NRXN3: variants seen among roughly 807,000 people sequenced by gnomAD.
The protein encoded by NRXN3 is neurexin 3, also known as neurexin III.
Under a neutral mutation model 137.6 loss-of-function variants are expected in NRXN3, and 32 were observed. The observed-to-expected ratio is 0.23, with a 90% CI of 0.18 to 0.31. The LOEUF is 0.31. Ranked by LOEUF, NRXN3 falls within the 10% of genes least tolerant of loss-of-function variation. The pLI, the probability that NRXN3 is intolerant of heterozygous loss-of-function variation, is 1.00. For missense variants in NRXN3, 1,574 were observed against 2,062.5 expected, an observed-to-expected ratio of 0.76 and a Z score of 4.59; for synonymous variants, 798 against 784.5, an observed-to-expected ratio of 1.02 and a Z score of -0.29.
intron 15 of NRXN3, among the ~76,000 whole-genome samples, chr14:79,291,801 T>A (rs955500917): frequency 6.6e-6 from 1 of 151,530 alleles, no homozygotes; most frequent in Non-Finnish European, 1.5e-5. Context: ...TGGGAAAAAA[T>A]TTCAAAGTGG....
At chr14:79,043,640 G>A (rs1459485319) in intron 15 of NRXN3, among the ~76,000 whole-genome samples, 1 of 152,152 alleles carries the variant, frequency 6.6e-6, no homozygotes, top group Non-Finnish European at 1.5e-5. Context: ...GACAGCTCCT[G>A]CTGTACAGGT....
intron 15 of NRXN3, among the ~76,000 whole-genome samples, chr14:79,347,701 G>A (rs562718794): frequency 5.3e-5 from 8 of 152,262 alleles, no homozygotes; most frequent in Non-Finnish European, 1.0e-4. Context: ...GATTACAGGC[G>A]TGAGCCACCG....
At chr14:78,669,104 A>G (rs1033489075) in intron 6 of NRXN3, among the ~76,000 whole-genome samples, 3 of 152,276 alleles carry the variant, frequency 2.0e-5, no homozygotes, top group African/African-American at 7.2e-5. Context: ...AAAGAGAAAG[A>G]ACATGAACAA....
chr14:78,865,648 A>G (rs2099084854), intron 10 of NRXN3, among the ~76,000 whole-genome samples: 1 of 152,220 alleles, frequency 6.6e-6, no homozygotes, highest in Non-Finnish European at 1.5e-5. Flanking sequence ...TGTCTTCTCC[A>G]ACACCATCTC....
intron 2 of NRXN3, among the ~76,000 whole-genome samples, chr14:78,248,788 T>C (rs1161752287): frequency 6.6e-6 from 1 of 152,162 alleles, no homozygotes; most frequent in African/African-American, 2.4e-5. Flanking sequence ...AAGTCTTCCC[T>C]GGTTTGGGAA....
chr14:79,728,278 C>T (rs1186735458), intron 19 of NRXN3, among the ~76,000 whole-genome samples: 4 of 152,278 alleles, frequency 2.6e-5, no homozygotes, highest in Admixed American at 6.5e-5. Flanking sequence ...CCCCCAACTC[C>T]TTCTTCCAGC....
chr14:78,944,377 T>C (rs1396746403), intron 10 of NRXN3, among the ~76,000 whole-genome samples: 2 of 152,242 alleles, frequency 1.3e-5, no homozygotes, highest in Non-Finnish European at 1.5e-5. Flanking sequence ...TTATTCTTTA[T>C]TGTTCTCAGA....
At chr14:78,881,972 C>T (rs902577952) in intron 10 of NRXN3, among the ~76,000 whole-genome samples, 2 of 151,602 alleles carry the variant, frequency 1.3e-5, no homozygotes, top group African/African-American at 4.9e-5. Context: ...CTGCTGTGTG[C>T]AACTTGAGTC....
In NRXN3 at chr14:79,033,467, C is replaced by G. The variant is rs563290821; in HGVS notation, c.3262+45326C>G. On this transcript the variant is annotated intron_variant, in intron 15 of 20. Coordinates refer to ENST00000335750, the MANE Select transcript of NRXN3 (RefSeq NM_001330195.2). ...AGAGGCTTATGTGTTTATGAGTAGG[C>G]AGGTGTCTTCATGGAACTCTGGTAT... is the stretch of plus-strand genomic sequence containing the variant. 2.6e-5 allele frequency among the ~76,000 whole-genome samples: 4 copies of G among 152,170 alleles called. No homozygotes were observed. The East Asian group carries it at 7.8e-4, about 30-fold the overall frequency.
chr14:79,553,439 T>A (rs1422531039), intron 16 of NRXN3, among the ~76,000 whole-genome samples: 2 of 152,066 alleles, frequency 1.3e-5, no homozygotes, highest in Non-Finnish European at 2.9e-5. Flanking sequence ...TACACCCAGG[T>A]CTGATTTCAA....
At position 79,185,820 on chromosome 14, in the gene NRXN3, T is replaced by C. The variant is rs1417400442; in HGVS notation, c.3262+197679T>C. Among the ~76,000 whole-genome samples the C allele has an allele frequency of 2.0e-5, 3 of 152,194 alleles. No individual in the cohort carries two copies. The East Asian group carries it at 5.8e-4, about 29-fold the overall frequency. ...ACTGAAATTTTTTATTTGAATCCTA[T>C]TTTATATATGAGGATACTATTTCTT... On this transcript the variant is annotated intron_variant, in intron 15 of 20. Transcript: ENST00000335750.
intron 20 of NRXN3, among the ~76,000 whole-genome samples, chr14:79,849,248 A>G (rs1033086303): frequency 1.3e-5 from 2 of 152,208 alleles, no homozygotes; most frequent in African/African-American, 4.8e-5. Context: ...AGCCAAAGTA[A>G]TCTTTAAGAA....
At chr14:78,933,013 T>C (rs892065767) in intron 10 of NRXN3, among the ~76,000 whole-genome samples, 4 of 152,128 alleles carry the variant, frequency 2.6e-5, no homozygotes, top group Non-Finnish European at 5.9e-5. Context: ...ATATTTGCAG[T>C]TGAAATTTGG....
At chr14:78,704,502 T>G (rs1475975674) in intron 6 of NRXN3, among the ~76,000 whole-genome samples, 1 of 152,158 alleles carries the variant, frequency 6.6e-6, no homozygotes, top group Non-Finnish European at 1.5e-5. Context: ...CGGGGAGGTA[T>G]AGACATCCAT....
chr14:78,338,809 T>C (rs897347603), intron 4 of NRXN3, among the ~76,000 whole-genome samples: 3 of 152,080 alleles, frequency 2.0e-5, no homozygotes, highest in Admixed American at 2.0e-4. Flanking sequence ...TAGGTGAAAA[T>C]TTTGGACTTA....
intron 6 of NRXN3, among the ~76,000 whole-genome samples, chr14:78,669,802 T>G (rs1329194692): frequency 6.6e-6 from 1 of 152,174 alleles, no homozygotes; most frequent in Admixed American, 6.5e-5. Flanking sequence ...AGGTCACTTT[T>G]GTCACCATCT....
At chr14:78,938,070 A>G (rs962397554) in intron 10 of NRXN3, among the ~76,000 whole-genome samples, 20 of 152,254 alleles carry the variant, frequency 1.3e-4, no homozygotes, top group African/African-American at 4.3e-4. Flanking sequence ...TTCATTTATT[A>G]ATCTTCATGG....
chr14:78,926,694 A>T lies in NRXN3; in HGVS notation c.2276-30548A>T, dbSNP rs1221699476. ...TATAATTATATATTATGTAATATAT[A>T]TAAAATATATATTATATATTATATA... is the stretch of plus-strand genomic sequence containing the variant. On this transcript the variant is annotated intron_variant, in intron 10 of 20. Transcript: ENST00000335750. Among the ~76,000 whole-genome samples the T allele has an allele frequency of 2.7e-3, 255 of 94,132 alleles. 1 individual carries two copies. Among genetic ancestry groups the T allele is most frequent in the Middle Eastern group, 4.3e-3 (1 of 234 alleles). The allele number at this position is 94,132 out of a possible 152,430, so 61.8% of individuals were successfully genotyped here. A position where few individuals can be genotyped will look rare whatever the true frequency, so the allele number is the denominator to read the frequency against.
intron 15 of NRXN3, among the ~76,000 whole-genome samples, chr14:79,185,103 AT>A (rs1204274889): frequency 6.6e-6 from 1 of 152,220 alleles, no homozygotes; most frequent in Non-Finnish European, 1.5e-5. Flanking sequence ...CATCATTTTC[AT>A]TCTAATAAGC....
Sources: gnomAD v4.1 joint callset for allele counts (sites outside exome capture counted in the v4.1 genomes callset) on GRCh38, gnomAD v4.1.1 for gene constraint, MANE v1.5 for transcripts, NCBI Gene and HGNC (gene_info 2026-07-23, HGNC 2026-07-21) for gene names.